Variants in CADPS observed in about 807,000 individuals in gnomAD.
CADPS encodes the protein calcium dependent secretion activator, also known as calcium-dependent secretion activator 1.
Under a neutral mutation model 167.3 loss-of-function variants are expected in CADPS, and 57 were observed. That is an observed-to-expected ratio of 0.34 (90% CI 0.28 to 0.42). The LOEUF (loss-of-function observed/expected upper bound fraction) is 0.42. CADPS is among the 20% of genes least tolerant of loss of function. The pLI is 1.00. For missense variants in CADPS, 1,414 were observed against 1,738.1 expected (o/e 0.81, Z 3.32); for synonymous variants, 676 against 635.3 (o/e 1.06, Z -0.96).
chr3:62,663,981 A>G (rs1376711713), intron 3 of CADPS, among the ~76,000 whole-genome samples: 1 of 152,142 alleles, frequency 6.6e-6, no homozygotes, highest in Non-Finnish European at 1.5e-5. Flanking sequence ...CAGTAAGAAA[A>G]TTTGTTAGAT....
intron 18 of CADPS, among the ~76,000 whole-genome samples, chr3:62,496,679 T>C (rs1397543807): frequency 6.6e-6 from 1 of 152,132 alleles, no homozygotes; most frequent in Non-Finnish European, 1.5e-5. Flanking sequence ...TGAGAGAAGT[T>C]ATACTGGAAG....
chr3:62,771,861 A>C (rs549538207), intron 1 of CADPS, among the ~76,000 whole-genome samples: 1 of 152,218 alleles, frequency 6.6e-6, no homozygotes, highest in Non-Finnish European at 1.5e-5. Flanking sequence ...ATTCTGGAGA[A>C]GTGTGAAATG....
intron 10 of CADPS, among the ~76,000 whole-genome samples, chr3:62,556,390 C>CTTA (rs2152324191): frequency 6.6e-6 from 1 of 152,320 alleles, no homozygotes; most frequent in East Asian, 1.9e-4. Context: ...TGGGCTGGGC[C>CTTA]CAAGGCCTTC....
Position 62,720,340 on chromosome 3 carries a change from TG to T in CADPS, c.888+33100del, listed in dbSNP as rs200753661. Among the ~76,000 whole-genome samples the T allele has an allele frequency of 2.1e-3, 303 of 142,762 alleles. 2 individuals are homozygous for T. Among genetic ancestry groups the T allele is most frequent in the African/African-American group, 6.1e-3 (221 of 35,954 alleles). 93.7% of individuals were successfully genotyped at this position (142,762 alleles called of 152,430 possible). On this transcript the variant is annotated intron_variant, in intron 3 of 29. Transcript: ENST00000383710. ...TTTTGCTTTTGTTTGTTTGTTTGTT[TG>T]TTTTTTTTTGAAACACGGTATCGCT...
chr3:62,644,520 CTT>C (rs1004360801), intron 6 of CADPS, among the ~76,000 whole-genome samples: 1 of 152,130 alleles, frequency 6.6e-6, no homozygotes, highest in Non-Finnish European at 1.5e-5. Flanking sequence ...CGAGAGTCAT[CTT>C]TTCAAAATAC....
intron 18 of CADPS, among the ~76,000 whole-genome samples, 150 bp downstream of exon 18, chr3:62,499,009 ACTT>A (rs2065265747): frequency 6.6e-6 from 1 of 152,342 alleles, no homozygotes; most frequent in East Asian, 1.9e-4. Flanking sequence ...CCTTCCAAAG[ACTT>A]CTTGCAAAAC....
chr3:62,532,926 G>A lies in CADPS; in HGVS notation c.2236C>T (p.Pro746Ser), dbSNP rs1418278777. The A allele has an allele frequency of 6.2e-7, 1 of 1,613,716 alleles. No homozygotes were observed. The highest frequency in any genetic ancestry group is 8.5e-7 in the Non-Finnish European group (1 of 1,179,806). ...GCAAAGCTGTAGTGAAGAAGGGTGG[G>A]GTCGATCATGGCGCCATTTTCTGCC... Reference protein sequence around the residue: ...ERAENGAMIDPTLLHYSFAFC... With the variant: ...ERAENGAMIDSTLLHYSFAFC... Residue 746 changes from proline (P) to serine (S), a missense_variant, in exon 13 of 30, where the codon CCC becomes TCC. Physicochemically the swap from Pro to Ser is moderately conservative, Grantham distance 74. This residue lies in a region of CADPS where 529 missense variants were observed against 629.6 expected (regional missense o/e 0.84). Transcript: ENST00000383710.
intron 8 of CADPS, among the ~76,000 whole-genome samples, chr3:62,580,029 T>G (rs892128504): frequency 6.6e-6 from 1 of 152,154 alleles, no homozygotes; most frequent in Admixed American, 6.6e-5. Context: ...TGGTGGCTCA[T>G]GCCTGTAATC....
At position 62,534,178 on chromosome 3, in the gene CADPS, C is replaced by T. The variant is rs573357609; in HGVS notation, c.2104-1120G>A. ...ACCAATTTAGGTGATACTTTCTAAG[C>T]TGGAAATTTGGGGCTATTTTAAATA... is the stretch of plus-strand genomic sequence containing the variant. On this transcript the variant is annotated intron_variant, in intron 12 of 29. Transcript: ENST00000383710. Among the ~76,000 whole-genome samples the T allele has an allele frequency of 2.0e-5, 3 of 152,258 alleles. No homozygotes were observed. In the East Asian group the frequency reaches 5.8e-4, roughly 29 times the overall value.
chr3:62,409,174 A>C (rs529744355), intron 28 of CADPS, among the ~76,000 whole-genome samples: 14 of 152,388 alleles, frequency 9.2e-5, no homozygotes, highest in African/African-American at 3.4e-4. Flanking sequence ...GCCTATGGTC[A>C]CACAACTAGT....
intron 6 of CADPS, among the ~76,000 whole-genome samples, chr3:62,622,830 C>T (rs1374956242): frequency 1.3e-5 from 2 of 152,164 alleles, no homozygotes; most frequent in Non-Finnish European, 1.5e-5. Flanking sequence ...CAAAGGCCTG[C>T]GCTAAAATTC....
chr3:62,630,452 C>T (rs2065065888), intron 6 of CADPS, among the ~76,000 whole-genome samples: 2 of 152,078 alleles, frequency 1.3e-5, no homozygotes, highest in Admixed American at 6.5e-5. Flanking sequence ...GCCATTCTTG[C>T]ATTCTTGTGC....
chr3:62,592,289 G>C (rs1446363665), intron 7 of CADPS, among the ~76,000 whole-genome samples: 1 of 152,102 alleles, frequency 6.6e-6, no homozygotes, highest in Admixed American at 6.5e-5. Context: ...AACATTGTCA[G>C]GTGGGCAGGC....
At chr3:62,783,666 T>C (rs1346853787) in intron 1 of CADPS, among the ~76,000 whole-genome samples, 2 of 152,230 alleles carry the variant, frequency 1.3e-5, no homozygotes, top group African/African-American at 4.8e-5. Context: ...TAAGACTGTT[T>C]GTTAAAGTAT....
chr3:62,461,562 T>A (rs932527714), intron 26 of CADPS, among the ~76,000 whole-genome samples: 2 of 152,210 alleles, frequency 1.3e-5, no homozygotes, highest in African/African-American at 4.8e-5. Context: ...ACCGTGTTTA[T>A]GTGGCCTCCA....
At chr3:62,829,935 T>A (rs1296899395) in intron 1 of CADPS, among the ~76,000 whole-genome samples, 1 of 152,088 alleles carries the variant, frequency 6.6e-6, no homozygotes, top group Non-Finnish European at 1.5e-5. Context: ...ACAGCCAACT[T>A]GTTGTCAATA....
At chr3:62,471,211 ATTC>A (rs1480399989) in intron 24 of CADPS, among the ~76,000 whole-genome samples, 1 of 152,204 alleles carries the variant, frequency 6.6e-6, no homozygotes, top group Non-Finnish European at 1.5e-5. Flanking sequence ...AAGGCAACTT[ATTC>A]TTCTATAAAA....
At chr3:62,540,400 C>G (rs2075486891) in intron 11 of CADPS, among the ~76,000 whole-genome samples, 1 of 151,982 alleles carries the variant, frequency 6.6e-6, no homozygotes, top group Non-Finnish European at 1.5e-5. Context: ...ATTTCCCCTG[C>G]CAGCTCTTAG....
At chr3:62,651,645 T>G (rs2070173109) in intron 4 of CADPS, among the ~76,000 whole-genome samples, 1 of 152,214 alleles carries the variant, frequency 6.6e-6, no homozygotes, top group Non-Finnish European at 1.5e-5. Flanking sequence ...GTGATTAAAA[T>G]TCTTTAGAAG....
Sources: allele counts gnomAD v4.1 joint callset (sites outside exome capture counted in the v4.1 genomes callset), GRCh38; gene constraint gnomAD v4.1.1; regional missense constraint gnomAD v4.1.1; transcripts MANE v1.5; gene names NCBI Gene and HGNC (gene_info 2026-07-23, HGNC 2026-07-21).